The following RYR3 variants were observed in gnomAD, a reference collection of about 807,000 sequenced individuals.
The protein encoded by RYR3 is ryanodine receptor 3.
Under a neutral mutation model 584.3 loss-of-function variants are expected in RYR3, and 207 were observed. That is an observed-to-expected ratio of 0.35 (90% CI 0.32 to 0.40). The LOEUF is 0.40. Among genes scored for constraint, RYR3 ranks in the 10% least tolerant of loss-of-function variants. The pLI is 1.00. For missense variants in RYR3, 5,616 were observed against 6,089.2 expected, an observed-to-expected ratio of 0.92 and a Z score of 2.59; for synonymous variants, 2,416 against 2,248.5, an observed-to-expected ratio of 1.07 and a Z score of -2.11.
At chr15:33,727,288 G>A (rs1323813428) in intron 46 of RYR3, among the ~76,000 whole-genome samples, 2 of 152,088 alleles carry the variant, frequency 1.3e-5, no homozygotes, top group Admixed American at 6.6e-5. Context: ...TCTCTGAGTC[G>A]CCTCACCCAT....
chr15:33,459,955 A>G (rs923804049), intron 1 of RYR3, among the ~76,000 whole-genome samples: 23 of 152,248 alleles, frequency 1.5e-4, no homozygotes, highest in African/African-American at 5.5e-4. Flanking sequence ...TACAAAAGGA[A>G]TCAAGCAGTC....
chr15:33,650,753 T>C (rs1366826558), intron 31 of RYR3, among the ~76,000 whole-genome samples: 1 of 152,214 alleles, frequency 6.6e-6, no homozygotes, highest in African/African-American at 2.4e-5. Flanking sequence ...CTGTGAACAC[T>C]GTATTTTCAA....
intron 22 of RYR3, among the ~76,000 whole-genome samples, chr15:33,630,876 T>C (rs1200996803): frequency 6.6e-6 from 1 of 152,254 alleles, no homozygotes; most frequent in Non-Finnish European, 1.5e-5. Context: ...CTTGCTATCA[T>C]CTAAATCGGG....
At chr15:33,630,175 A>G in intron 22 of RYR3, 132 bp downstream of exon 22, 1 of 588,884 alleles carries the variant, frequency 1.7e-6, no homozygotes, top group Non-Finnish European at 3.0e-6. Context: ...GATGATGATG[A>G]ATCATGTCAC....
chr15:33,572,712 C>G (rs1439610807), intron 12 of RYR3, among the ~76,000 whole-genome samples: 1 of 149,534 alleles, frequency 6.7e-6, no homozygotes, highest in African/African-American at 2.5e-5. Context: ...CAATGGCTCA[C>G]GCCTGTAATC....
At chr15:33,562,294 C>A (rs907859363) in intron 10 of RYR3, among the ~76,000 whole-genome samples, 4 of 152,202 alleles carry the variant, frequency 2.6e-5, no homozygotes, top group African/African-American at 9.7e-5. Context: ...GACTGATACA[C>A]AAATTACTAC....
At position 33,821,301 on chromosome 15, in the gene RYR3, A is replaced by C. The variant is rs1390577545; in HGVS notation, c.10847A>C (p.Tyr3616Ser). 2 of 1,601,688 alleles carry C rather than the reference A, an allele frequency of 1.2e-6. No individual in the cohort carries two copies. Among genetic ancestry groups the C allele is most frequent in the African/African-American group, 2.7e-5 (2 of 74,612 alleles). The part of the protein sequence containing the change: ...EKEMEKQKTL[Y>S]QQARLHERGA... ...GAGATGGAGAAGCAAAAAACCCTCTATCAGCAAGCTCGGCTGCATGAGCGT... is the reference window on the plus strand; with the variant it reads ...GAGATGGAGAAGCAAAAAACCCTCTCTCAGCAAGCTCGGCTGCATGAGCGT... The change falls in exon 79 of 104, where the codon TAT (tyrosine) becomes TCT (serine). Residue 3616 changes from tyrosine (Y) to serine (S), a missense_variant. By Grantham distance (144) the Tyr-to-Ser change is moderately radical. Coordinates refer to ENST00000634891, the MANE Select transcript of RYR3 (RefSeq NM_001036.6).
At chr15:33,548,686 A>C (rs1452427625) in intron 9 of RYR3, among the ~76,000 whole-genome samples, 1 of 152,236 alleles carries the variant, frequency 6.6e-6, no homozygotes, top group Non-Finnish European at 1.5e-5. Flanking sequence ...AACTTTTCAG[A>C]GACAGTTTTG....
At chr15:33,356,896 G>A (rs11072413) in intron 1 of RYR3, among the ~76,000 whole-genome samples, 22,738 of 152,194 alleles carry the variant, frequency 0.15, 1,903 homozygotes, top group East Asian at 0.27. Context: ...GCCTTCGGGG[G>A]CCATAGTTGA....
At chr15:33,714,209 G>T (rs977490633) in intron 43 of RYR3, among the ~76,000 whole-genome samples, 13 of 151,984 alleles carry the variant, frequency 8.6e-5, no homozygotes, top group African/African-American at 3.1e-4. Flanking sequence ...TCTCCTTTGA[G>T]CTTGTCAAAA....
chr15:33,485,359 G>C (rs544617121), intron 2 of RYR3, among the ~76,000 whole-genome samples: 1 of 152,306 alleles, frequency 6.6e-6, no homozygotes, highest in South Asian at 2.1e-4. Context: ...TAGGGTCTTA[G>C]AATGGAAGGA....
rs565748259 is a variant in RYR3, at chr15:33,644,504, T to C, written c.3750T>C (p.Asp1250=). The C allele has an allele frequency of 1.2e-6, 2 of 1,613,274 alleles. No individual in the cohort carries two copies. The highest frequency in any genetic ancestry group is 1.7e-6 in the Non-Finnish European group (2 of 1,179,504). ...RLPTFVNVPK[D]HPHIEVMRID... ...CGACGTTTGTCAACGTGCCAAAGGA[T>C]CATCCACACATAGAGGTAATGTTAC... The change falls in exon 28 of 104, where the codon GAT becomes GAC. Residue 1250 remains aspartate (D), a synonymous_variant. Coordinates refer to ENST00000634891, the MANE Select transcript of RYR3 (RefSeq NM_001036.6).
chr15:33,622,932 A>T (rs1223742726), intron 19 of RYR3, among the ~76,000 whole-genome samples: 1 of 152,074 alleles, frequency 6.6e-6, no homozygotes, highest in East Asian at 1.9e-4. Flanking sequence ...CTCTAACCTA[A>T]CCCATATATA....
At chr15:33,409,236 A>G (rs1035024706) in intron 1 of RYR3, among the ~76,000 whole-genome samples, 3 of 152,080 alleles carry the variant, frequency 2.0e-5, no homozygotes, top group African/African-American at 4.8e-5. Flanking sequence ...TACAATGTGC[A>G]GGTTAGTTAC....
chr15:33,861,223 A>C, intron 102 of RYR3, 45 bp downstream of exon 102: 2 of 1,395,740 alleles, frequency 1.4e-6, no homozygotes, highest in Non-Finnish European at 2.0e-6. Flanking sequence ...TGTAGCGTAA[A>C]TAAAGCCAAT....
At chr15:33,736,656 G>GT (rs576223564) in intron 49 of RYR3, among the ~76,000 whole-genome samples, 1 of 152,102 alleles carries the variant, frequency 6.6e-6, no homozygotes, top group Non-Finnish European at 1.5e-5. Flanking sequence ...AGGCCCTGTG[G>GT]TTTTTCATTA....
Position 33,780,180 on chromosome 15 carries a change from C to T in RYR3, c.9138-31C>T, listed in dbSNP as rs760358824. The T allele has an allele frequency of 2.5e-6, 4 of 1,608,136 alleles. No individual in the cohort carries two copies. In the Admixed American group the frequency reaches 5.0e-5, roughly 20 times the overall value. On this transcript the variant is annotated intron_variant, in intron 64 of 103. Transcript: ENST00000634891. Reference sequence around the variant, plus strand: ...TGCATGGGGCCAGCATGTGGGGGGCCACACTTCTCAATGGACTTCTTTGTT... The same window carrying T: ...TGCATGGGGCCAGCATGTGGGGGGCTACACTTCTCAATGGACTTCTTTGTT...
intron 38 of RYR3, among the ~76,000 whole-genome samples, chr15:33,690,214 A>C (rs747743129): frequency 2.6e-5 from 4 of 152,232 alleles, no homozygotes; most frequent in Non-Finnish European, 4.4e-5. Flanking sequence ...GTGCGTGTGC[A>C]GAGCGGGCTG....
In RYR3 at chr15:33,647,436, A is replaced by G. The variant is rs372798643; in HGVS notation, c.3954A>G (p.Gln1318=). ...SEAFQKRKQM[Q]EILSHTTTQC... ...ATCTTTCCCCCAGGAAACAGATGCA[A>G]GAAATACTCTCTCATACAACAACAG... Residue 1318 remains glutamine, a synonymous_variant, in exon 30 of 104, where the codon CAA becomes CAG. Coordinates refer to ENST00000634891, the MANE Select transcript of RYR3 (RefSeq NM_001036.6). 1.2e-5 allele frequency: 19 copies of G among 1,608,304 alleles called. No individual in the cohort carries two copies. The Admixed American group carries it at 2.0e-4, about 17-fold the overall frequency.
Sources: gnomAD v4.1 joint callset for allele counts (sites outside exome capture counted in the v4.1 genomes callset) on GRCh38, gnomAD v4.1.1 for gene constraint, MANE v1.5 for transcripts, NCBI Gene and HGNC (gene_info 2026-07-23, HGNC 2026-07-21) for gene names.